The following CFAP54 variants were observed in gnomAD, a reference collection of about 807,000 sequenced individuals.
CFAP54 encodes cilia- and flagella-associated protein 54.
Under a neutral mutation model 370.4 loss-of-function variants are expected in CFAP54, and 290 were observed. The ratio of observed to expected loss-of-function variants is 0.78; its 90% CI spans 0.71 to 0.86. The LOEUF (loss-of-function observed/expected upper bound fraction) is 0.86. Ranked by LOEUF, CFAP54 falls within the 40% of genes least tolerant of loss-of-function variation. The pLI, the probability that CFAP54 is intolerant of heterozygous loss-of-function variation, is 0.00. For missense variants in CFAP54, 3,399 were observed against 3,528.7 expected (o/e 0.96, Z 0.93); for synonymous variants, 1,206 against 1,236.5 (o/e 0.98, Z 0.52).
chr12:96,638,855 G>A (rs1956692219), intron 32 of CFAP54, among the ~76,000 whole-genome samples: 1 of 152,310 alleles, frequency 6.6e-6, no homozygotes, highest in South Asian at 2.1e-4. Flanking sequence ...ATATTTGTCT[G>A]ATTCCCACTT....
chr12:96,825,335 T>A (rs1959078924), intron 65 of CFAP54, among the ~76,000 whole-genome samples: 1 of 126,368 alleles, frequency 7.9e-6, no homozygotes, highest in Non-Finnish European at 1.6e-5. Flanking sequence ...ATATAACATG[T>A]TATATATTAT....
At chr12:96,567,919 T>C (rs1374522846) in intron 19 of CFAP54, among the ~76,000 whole-genome samples, 1 of 152,086 alleles carries the variant, frequency 6.6e-6, no homozygotes, top group Non-Finnish European at 1.5e-5. Context: ...TAATGATCAA[T>C]CCCTAGGGTA....
chr12:96,822,677 G>T (rs921341607), intron 65 of CFAP54, among the ~76,000 whole-genome samples: 2 of 152,270 alleles, frequency 1.3e-5, no homozygotes, highest in Admixed American at 6.5e-5. Context: ...CAGTCAGTCT[G>T]ATGTCCCAAA....
intron 66 of CFAP54, among the ~76,000 whole-genome samples, chr12:96,836,768 TC>T (rs776423044): frequency 1.8e-4 from 27 of 152,366 alleles, no homozygotes; most frequent in Non-Finnish European, 2.6e-4. Flanking sequence ...TAATGTGCAT[TC>T]CATTTTATAT....
chr12:96,676,211 G>A (rs921495932), intron 39 of CFAP54, among the ~76,000 whole-genome samples: 1 of 152,136 alleles, frequency 6.6e-6, no homozygotes, highest in Non-Finnish European at 1.5e-5. Flanking sequence ...AACCCTCTGA[G>A]CCATCCTGAT....
chr12:96,687,036 G>T (rs574916486), intron 42 of CFAP54, among the ~76,000 whole-genome samples: 2 of 152,218 alleles, frequency 1.3e-5, no homozygotes, highest in Admixed American at 6.5e-5. Flanking sequence ...GCTTCTTGAG[G>T]TCTCTTGCAT....
chr12:96,874,089 A>G (rs1417162468), intron 67 of CFAP54, among the ~76,000 whole-genome samples: 1 of 152,194 alleles, frequency 6.6e-6, no homozygotes, highest in Non-Finnish European at 1.5e-5. Flanking sequence ...TCCTATCTCC[A>G]GATTCCTGTA....
At chr12:96,774,381 T>G (rs1958494475) in intron 60 of CFAP54, among the ~76,000 whole-genome samples, 1 of 152,170 alleles carries the variant, frequency 6.6e-6, no homozygotes, top group Non-Finnish European at 1.5e-5. Context: ...CTACTCAGAT[T>G]CTTTAAATAA....
chr12:96,811,656 T>A, intron 63 of CFAP54, 80 bp from the exon 64 acceptor site: 1 of 730,332 alleles, frequency 1.4e-6, no homozygotes. Flanking sequence ...GTGATATTAT[T>A]TTGTGAACTA....
intron 33 of CFAP54, chr12:96,645,405 C>A (rs1187742457): frequency 7.1e-6 from 2 of 280,562 alleles, no homozygotes; most frequent in African/African-American, 4.4e-5. Context: ...ATGTGAAGGA[C>A]CTCTTCAAGG....
intron 63 of CFAP54, among the ~76,000 whole-genome samples, chr12:96,801,164 A>G (rs141221993): frequency 6.6e-6 from 1 of 152,232 alleles, no homozygotes; most frequent in Non-Finnish European, 1.5e-5. Flanking sequence ...GTGGCAGCAG[A>G]GTTGAAATCC....
At position 96,859,382 on chromosome 12, in the gene CFAP54, A is replaced by G. The variant is rs1194044399; in HGVS notation, c.9172-1437A>G. Among the ~76,000 whole-genome samples the G allele has an allele frequency of 3.1e-5, 4 of 130,198 alleles. No individual in the cohort carries two copies. In the East Asian group the frequency reaches 1.1e-3, roughly 35 times the overall value. The allele number at this position is 130,198 out of a possible 152,430, so 85.4% of individuals were successfully genotyped here. A position where few individuals can be genotyped will look rare whatever the true frequency, so the allele number is the denominator to read the frequency against. ...TTGAAACAAGCAGTCCTACTCCAGAATGCACTTTTTGTTTGTTTGTTTGTT... is the reference window on the plus strand; with the variant it reads ...TTGAAACAAGCAGTCCTACTCCAGAGTGCACTTTTTGTTTGTTTGTTTGTT... On this transcript the variant is annotated intron_variant, in intron 66 of 67. Coordinates refer to ENST00000524981, the MANE Select transcript of CFAP54 (RefSeq NM_001306084.2).
intron 22 of CFAP54, among the ~76,000 whole-genome samples, chr12:96,584,566 T>G (rs1236497591): frequency 6.6e-6 from 1 of 152,220 alleles, no homozygotes; most frequent in Non-Finnish European, 1.5e-5. Flanking sequence ...TATTTATGGA[T>G]GAATCATTTA....
intron 40 of CFAP54, among the ~76,000 whole-genome samples, 154 bp downstream of exon 40, chr12:96,679,906 T>G (rs998050165): frequency 1.3e-5 from 2 of 152,248 alleles, no homozygotes; most frequent in Non-Finnish European, 2.9e-5. Flanking sequence ...ATCTATTCTG[T>G]GTCTTACACT....
chr12:96,709,036 A>G (rs975853399), intron 48 of CFAP54, among the ~76,000 whole-genome samples: 1 of 152,240 alleles, frequency 6.6e-6, no homozygotes, highest in African/African-American at 2.4e-5. Context: ...ATGTATACAC[A>G]TACATGATAG....
intron 12 of CFAP54, among the ~76,000 whole-genome samples, chr12:96,536,117 T>C (rs1439062288): frequency 1.3e-5 from 2 of 152,214 alleles, no homozygotes; most frequent in South Asian, 2.1e-4. Flanking sequence ...CTGGAGTACA[T>C]GTGCAGGACA....
At chr12:96,605,996 C>T (rs772910531) in intron 26 of CFAP54, among the ~76,000 whole-genome samples, 19 of 152,136 alleles carry the variant, frequency 1.2e-4, no homozygotes, top group Non-Finnish European at 2.2e-4. Context: ...TACCTGTAGG[C>T]ATCCTTTATT....
chr12:96,711,138 G>T (rs1957608997), intron 48 of CFAP54, among the ~76,000 whole-genome samples: 1 of 152,092 alleles, frequency 6.6e-6, no homozygotes, highest in Non-Finnish European at 1.5e-5. Flanking sequence ...TTGGTAGTTT[G>T]TGTCTTTCTA....
chr12:96,634,622 T>A (rs1956645361), intron 32 of CFAP54, among the ~76,000 whole-genome samples: 1 of 152,202 alleles, frequency 6.6e-6, no homozygotes, highest in Non-Finnish European at 1.5e-5. Flanking sequence ...TATCAATTTT[T>A]CCTTTAATGG....
Sources: allele counts gnomAD v4.1 joint callset (sites outside exome capture counted in the v4.1 genomes callset), GRCh38; gene constraint gnomAD v4.1.1; transcripts MANE v1.5; gene names NCBI Gene and HGNC (gene_info 2026-07-23, HGNC 2026-07-21).